The following USP33 variants were observed in gnomAD, a reference collection of about 807,000 sequenced individuals.
USP33 encodes ubiquitin carboxyl-terminal hydrolase 33.
A neutral mutation model predicts 124.2 loss-of-function variants in USP33; 46 were observed. The ratio of observed to expected loss-of-function variants is 0.37; its 90% confidence interval spans 0.29 to 0.47. USP33 has a LOEUF of 0.47. Among genes scored for constraint, USP33 ranks in the 20% least tolerant of loss-of-function variants. The pLI is 0.99. For missense variants in USP33, 851 were observed against 1,070.6 expected, an observed-to-expected ratio of 0.79 and a Z score of 2.86; for synonymous variants, 350 against 352.3, an observed-to-expected ratio of 0.99 and a Z score of 0.07.
intron 1 of USP33, among the ~76,000 whole-genome samples, chr1:77,753,417 C>A (rs1680522472): frequency 6.6e-6 from 1 of 151,640 alleles, no homozygotes; most frequent in African/African-American, 2.4e-5. Context: ...GTGATACCCA[C>A]CCCCCATCTT....
At chr1:77,738,778 C>A (rs948366566) in intron 5 of USP33, among the ~76,000 whole-genome samples, 3 of 152,182 alleles carry the variant, frequency 2.0e-5, no homozygotes, top group Non-Finnish European at 4.4e-5. Flanking sequence ...CCGCACCCAG[C>A]CCAAAGGGAG....
At chr1:77,748,714 G>T (rs1453632635) in intron 1 of USP33, among the ~76,000 whole-genome samples, 2 of 138,830 alleles carry the variant, frequency 1.4e-5, no homozygotes, top group Non-Finnish European at 3.1e-5. Context: ...GGCTAATATT[G>T]TATTTAGAAA....
chr1:77,747,976 T>C (rs1679906060), intron 1 of USP33, among the ~76,000 whole-genome samples: 1 of 152,232 alleles, frequency 6.6e-6, no homozygotes, highest in Non-Finnish European at 1.5e-5. Flanking sequence ...CAATACCATA[T>C]TAATCTGATT....
intron 7 of USP33, 80 bp from the exon 8 acceptor site, chr1:77,730,811 C>T (rs1677719272): frequency 3.4e-6 from 3 of 877,262 alleles, no homozygotes; most frequent in Non-Finnish European, 3.4e-6. Context: ...TAACTGACAA[C>T]ACATACATTC....
intron 17 of USP33, among the ~76,000 whole-genome samples, chr1:77,716,084 A>G (rs1481984111): frequency 6.6e-6 from 1 of 152,124 alleles, no homozygotes; most frequent in Non-Finnish European, 1.5e-5. Flanking sequence ...TAATAGACAC[A>G]GTCTTGCTCT....
At chr1:77,700,373 G>A (rs1472615903) in intron 22 of USP33, among the ~76,000 whole-genome samples, 1 of 152,166 alleles carries the variant, frequency 6.6e-6, no homozygotes, top group Non-Finnish European at 1.5e-5. Flanking sequence ...GGGAGGCCAA[G>A]GTTGGTGCAC....
chr1:77,727,512 C>T (rs1677303765), intron 10 of USP33, among the ~76,000 whole-genome samples: 1 of 152,206 alleles, frequency 6.6e-6, no homozygotes, highest in Admixed American at 6.5e-5. Flanking sequence ...AGCATCTGTG[C>T]ACTTTACCCA....
intron 9 of USP33, 55 bp downstream of exon 9, chr1:77,729,805 G>T: frequency 6.4e-7 from 1 of 1,560,114 alleles, no homozygotes; most frequent in Non-Finnish European, 8.8e-7. Context: ...AAAACATAAT[G>T]GCATTTTCCA....
chr1:77,750,803 G>T (rs1680263240), intron 1 of USP33, among the ~76,000 whole-genome samples: 1 of 152,020 alleles, frequency 6.6e-6, no homozygotes. Context: ...TCTTTGCCTA[G>T]TTTTACTCAG....
rs979935296 is a variant in USP33, at chr1:77,736,065, T to C, written c.445A>G (p.Arg149Gly). ...CACAGGATTAATTTACCTCTGGCCC[T>C]AAGTTCATCTTCTTCATCCGCTTCT... ...DIEADEEDEL[R>G]ARGLTGLKNI... is the part of the protein sequence containing the mutation. Residue 149 changes from arginine (R) to glycine (G), a missense_variant, in exon 6 of 24, where the codon AGG (arginine) becomes GGG (glycine). Around this residue, in one of 4 missense-constraint regions of USP33, gnomAD observed 221 missense variants for 302.9 expected, o/e 0.73. Transcript: ENST00000370794. 1.2e-5 allele frequency: 20 copies of C among 1,610,064 alleles called. No homozygotes were observed. Among genetic ancestry groups the C allele is most frequent in the Non-Finnish European group, 1.7e-5 (20 of 1,177,910 alleles).
intron 21 of USP33, among the ~76,000 whole-genome samples, chr1:77,711,320 A>G (rs1675224181): frequency 6.6e-6 from 1 of 152,214 alleles, no homozygotes. Flanking sequence ...TGAGGTCAGG[A>G]GTTCGAGACC....
At chr1:77,747,210 T>C (rs1043200623) in intron 1 of USP33, among the ~76,000 whole-genome samples, 3 of 149,802 alleles carry the variant, frequency 2.0e-5, no homozygotes, top group Admixed American at 6.6e-5. Context: ...TCATATATAG[T>C]ACATAAGGAT....
chr1:77,703,119 A>G (rs1479109717), intron 21 of USP33, among the ~76,000 whole-genome samples: 1 of 152,060 alleles, frequency 6.6e-6, no homozygotes, highest in Non-Finnish European at 1.5e-5. Flanking sequence ...TCACCCCATA[A>G]TCTGACCTCA....
At chr1:77,703,577 T>C (rs555658417) in intron 21 of USP33, among the ~76,000 whole-genome samples, 1 of 152,304 alleles carries the variant, frequency 6.6e-6, no homozygotes, top group East Asian at 1.9e-4. Context: ...TGGGCCGATA[T>C]CGTGCCACTG....
intron 21 of USP33, among the ~76,000 whole-genome samples, chr1:77,709,375 C>T (rs1446193450): frequency 2.6e-5 from 4 of 151,998 alleles, no homozygotes; most frequent in African/African-American, 4.8e-5. Flanking sequence ...ATTAGCTACA[C>T]ATGGTGGTGT....
chr1:77,730,716 C>T lies in USP33; in HGVS notation c.540G>A (p.Gln180=). The T allele has an allele frequency of 6.3e-7, 1 of 1,576,448 alleles. No homozygotes were observed. Among genetic ancestry groups the T allele is most frequent in the Non-Finnish European group, 8.6e-7 (1 of 1,161,184 alleles). The change falls in exon 8 of 24, where the codon CAG becomes CAA. Residue 180 remains glutamine (Q), a synonymous_variant. Transcript: ENST00000370794. The stretch of plus-strand genomic sequence containing the variant: ...CTAGTCCTCCACAATCAAGAAAAAA[C>T]TGTGTCAAAGGTGGGCTAATTTTAA... ...QALSNCPPLT[Q]FFLDCGGLAR...
intron 1 of USP33, among the ~76,000 whole-genome samples, chr1:77,750,676 GAAAGAA>G (rs1265661917): frequency 8.1e-5 from 12 of 147,476 alleles, no homozygotes; most frequent in Non-Finnish European, 1.8e-4. Flanking sequence ...AAGAAAGAAA[GAAAGAA>G]AGAAAAAGGA....
intron 22 of USP33, among the ~76,000 whole-genome samples, chr1:77,700,320 C>T (rs1162714864): frequency 6.6e-6 from 1 of 152,128 alleles, no homozygotes; most frequent in African/African-American, 2.4e-5. Context: ...GAGTTTGAGG[C>T]CAGCCTGGAC....
At chr1:77,704,262 T>G (rs1674367570) in intron 21 of USP33, among the ~76,000 whole-genome samples, 1 of 152,132 alleles carries the variant, frequency 6.6e-6, no homozygotes, top group African/African-American at 2.4e-5. Flanking sequence ...ACAAAGAAAT[T>G]AAGGCATATT....
Sources: allele counts gnomAD v4.1 joint callset (sites outside exome capture counted in the v4.1 genomes callset), GRCh38; gene constraint gnomAD v4.1.1; regional missense constraint gnomAD v4.1.1; transcripts MANE v1.5; gene names NCBI Gene and HGNC (gene_info 2026-07-23, HGNC 2026-07-21).